SYNJ2: variants seen among roughly 807,000 people sequenced by gnomAD.
SYNJ2 encodes the protein polyphosphatidylinositol phosphatase SYNJ2.
SYNJ2 carries 116 observed loss-of-function variants against 141.3 expected under a neutral mutation model. The observed-to-expected ratio is 0.82, with a 90% CI of 0.71 to 0.96. SYNJ2 has a LOEUF of 0.96. Among genes scored for constraint, SYNJ2 ranks in the 40% least tolerant of loss-of-function variants. The pLI, the probability that SYNJ2 is intolerant of heterozygous loss-of-function variation, is 0.00. For synonymous variants in SYNJ2, 745 were observed against 777.7 expected (o/e 0.96, Z 0.70); for missense variants, 1,873 against 1,934.8 (o/e 0.97, Z 0.60).
At chr6:158,017,994 A>C (rs1050696122) in intron 2 of SYNJ2, among the ~76,000 whole-genome samples, 2 of 151,994 alleles carry the variant, frequency 1.3e-5, no homozygotes, top group South Asian at 4.2e-4. Flanking sequence ...GGGTGAAGAC[A>C]GGGACCAGGG....
chr6:158,009,357 C>A (rs964605763), intron 1 of SYNJ2, among the ~76,000 whole-genome samples: 21 of 152,044 alleles, frequency 1.4e-4, no homozygotes, highest in Non-Finnish European at 2.9e-5. Flanking sequence ...CCTGCCATCA[C>A]TCATCCATTC....
rs757214543 is a variant in SYNJ2 at position 158,065,006 on chromosome 6, A to G, written c.1525+15A>G. On this transcript the variant is annotated intron_variant, in intron 11 of 26. Coordinates refer to ENST00000355585, the MANE Select transcript of SYNJ2 (RefSeq NM_003898.4). ...GGCGCTCCTGGGTAGGGCCTGCCGC[A>G]GACAGGGCGAGGCAGGGAGGTAGGG... 3.3e-6 allele frequency: 5 copies of G among 1,530,442 alleles called. No homozygotes were observed. The South Asian group carries it at 6.2e-5, about 19-fold the overall frequency. The allele number at this position is 1,530,442 out of a possible 1,614,324, so 94.8% of individuals were successfully genotyped here.
intron 26 of SYNJ2, among the ~76,000 whole-genome samples, chr6:158,095,018 A>G (rs968176384): frequency 6.6e-6 from 1 of 152,116 alleles, no homozygotes; most frequent in Non-Finnish European, 1.5e-5. Flanking sequence ...GCATGGTGGC[A>G]GGCGCCTGCA....
intron 23 of SYNJ2, among the ~76,000 whole-genome samples, chr6:158,087,432 T>C (rs1783126270): frequency 6.6e-6 from 1 of 152,200 alleles, no homozygotes. Context: ...AGGCCTCCTG[T>C]TCCCCGGGCT....
chr6:158,072,934 G>C (rs187044149), intron 15 of SYNJ2, among the ~76,000 whole-genome samples: 1 of 151,694 alleles, frequency 6.6e-6, no homozygotes, highest in Admixed American at 6.6e-5. Flanking sequence ...TTAGCCAGGC[G>C]TGGTGGCGTG....
At chr6:158,005,686 C>T (rs886898992) in intron 1 of SYNJ2, among the ~76,000 whole-genome samples, 1 of 152,110 alleles carries the variant, frequency 6.6e-6, no homozygotes, top group Admixed American at 6.5e-5. Flanking sequence ...CTTTCACTTG[C>T]GTTTCTGTGC....
At chr6:158,049,385 T>A (rs1485990537) in intron 5 of SYNJ2, among the ~76,000 whole-genome samples, 2 of 151,988 alleles carry the variant, frequency 1.3e-5, no homozygotes, top group African/African-American at 4.8e-5. Context: ...CTGGTCAGTG[T>A]TGGAGCAGGA....
intron 1 of SYNJ2, among the ~76,000 whole-genome samples, chr6:157,984,734 A>G (rs974090239): frequency 1.3e-5 from 2 of 152,184 alleles, no homozygotes; most frequent in African/African-American, 4.8e-5. Flanking sequence ...AGAAGGCTGC[A>G]ATCTCTACTT....
intron 2 of SYNJ2, 26 bp downstream of exon 2, chr6:158,017,316 A>G (rs1462152374): frequency 1.3e-6 from 2 of 1,597,428 alleles, no homozygotes; most frequent in Non-Finnish European, 1.7e-6. Flanking sequence ...CTGGAGGAGC[A>G]GGCGCCAGGC....
At chr6:158,014,033 T>G (rs762523221) in intron 1 of SYNJ2, among the ~76,000 whole-genome samples, 3 of 152,256 alleles carry the variant, frequency 2.0e-5, no homozygotes, top group Admixed American at 6.5e-5. Context: ...AACAACGGTG[T>G]GAAAGTGATA....
intron 1 of SYNJ2, among the ~76,000 whole-genome samples, chr6:157,992,401 C>CTTTTTTTTTT (rs57905567): frequency 9.1e-5 from 11 of 120,348 alleles, no homozygotes; most frequent in Admixed American, 1.9e-4. Context: ...TGGCTTGTTT[C>CTTTTTTTTTT]TTTTTTTTTT....
intron 18 of SYNJ2, chr6:158,079,140 G>C (rs1402943713): frequency 2.0e-5 from 3 of 152,186 alleles, no homozygotes; most frequent in Admixed American, 2.0e-4. Flanking sequence ...ATGCATTGAG[G>C]ATAGAGTGGA....
chr6:158,092,823 C>G, intron 25 of SYNJ2, 103 bp from the exon 26 acceptor site: 1 of 1,128,546 alleles, frequency 8.9e-7, no homozygotes, highest in South Asian at 1.9e-5. Context: ...CTGAAATACA[C>G]TGAATTAGTA....
chr6:158,021,636 G>A (rs758826864), intron 2 of SYNJ2, among the ~76,000 whole-genome samples: 2 of 152,174 alleles, frequency 1.3e-5, no homozygotes, highest in African/African-American at 2.4e-5. Context: ...GTGTGGCCTC[G>A]GGGTGTGGAC....
At chr6:158,012,890 G>C (rs770541829) in intron 1 of SYNJ2, among the ~76,000 whole-genome samples, 1 of 152,190 alleles carries the variant, frequency 6.6e-6, no homozygotes, top group African/African-American at 2.4e-5. Flanking sequence ...GCTGCTCTCA[G>C]AGGTTGATGA....
At chr6:158,095,539 G>C in intron 26 of SYNJ2, 79 bp from the exon 27 acceptor site, 1 of 1,494,612 alleles carries the variant, frequency 6.7e-7, no homozygotes, top group Non-Finnish European at 8.9e-7. Flanking sequence ...TCTGTTCTCT[G>C]CTGGCCACTC....
At chr6:158,018,182 G>A (rs962252985) in intron 2 of SYNJ2, among the ~76,000 whole-genome samples, 1 of 152,226 alleles carries the variant, frequency 6.6e-6, no homozygotes, top group Non-Finnish European at 1.5e-5. Flanking sequence ...TGAGAGACTC[G>A]GGGGTGAGCC....
At chr6:157,988,532 G>C (rs1777293101) in intron 1 of SYNJ2, among the ~76,000 whole-genome samples, 1 of 152,214 alleles carries the variant, frequency 6.6e-6, no homozygotes, top group South Asian at 2.1e-4. Context: ...ACCTGTCCCA[G>C]CCCGTGTCTC....
intron 16 of SYNJ2, 112 bp downstream of exon 16, chr6:158,074,850 T>A: frequency 7.7e-7 from 1 of 1,296,968 alleles, no homozygotes; most frequent in Non-Finnish European, 1.1e-6. Context: ...TTTCACTGTT[T>A]CCAACATTGT....
Sources: gnomAD v4.1 joint callset for allele counts (sites outside exome capture counted in the v4.1 genomes callset) on GRCh38, gnomAD v4.1.1 for gene constraint, MANE v1.5 for transcripts, NCBI Gene and HGNC (gene_info 2026-07-23, HGNC 2026-07-21) for gene names.